ABCC4: variants seen among roughly 807,000 people sequenced by gnomAD.
ABCC4 encodes the protein ATP binding cassette subfamily C member 4 (PEL blood group).
In ABCC4, 102 loss-of-function variants were observed where a neutral mutation model predicts 168.5. That is an observed-to-expected ratio of 0.61 (90% CI 0.52 to 0.71). The LOEUF (loss-of-function observed/expected upper bound fraction) is 0.71, where lower values mean the gene tolerates loss of function less well. Among genes scored for constraint, ABCC4 ranks in the 30% least tolerant of loss-of-function variants. ABCC4 has a pLI of 0.00. For synonymous variants in ABCC4, 617 were observed against 590.7 expected (o/e 1.04, Z -0.65); for missense variants, 1,402 against 1,605.8 (o/e 0.87, Z 2.17).
intron 20 of ABCC4, among the ~76,000 whole-genome samples, chr13:95,106,596 T>C (rs1283862213): frequency 6.6e-6 from 1 of 151,996 alleles, no homozygotes; most frequent in Non-Finnish European, 1.5e-5. Context: ...GGTCACCTTC[T>C]TGTGAGACCC....
chr13:95,121,839 T>A (rs1226540175), intron 19 of ABCC4, among the ~76,000 whole-genome samples: 1 of 152,110 alleles, frequency 6.6e-6, no homozygotes, highest in Non-Finnish European at 1.5e-5. Flanking sequence ...CCTTCCCCTC[T>A]CAAACATAGG....
intron 25 of ABCC4, among the ~76,000 whole-genome samples, chr13:95,069,526 T>C (rs1266167180): frequency 6.6e-6 from 1 of 152,200 alleles, no homozygotes; most frequent in East Asian, 1.9e-4. Context: ...AATACATTCA[T>C]GTTGTTGGGC....
At chr13:95,133,230 C>T (rs2036034902) in intron 19 of ABCC4, among the ~76,000 whole-genome samples, 1 of 151,012 alleles carries the variant, frequency 6.6e-6, no homozygotes, top group Non-Finnish European at 1.5e-5. Flanking sequence ...TCTCCCACCT[C>T]GGCCTCCCGA....
intron 26 of ABCC4, among the ~76,000 whole-genome samples, chr13:95,057,518 G>A (rs568126207): frequency 1.3e-5 from 2 of 152,292 alleles, no homozygotes; most frequent in South Asian, 2.1e-4. Flanking sequence ...GATTACAGGC[G>A]TGAGCCACCG....
intron 5 of ABCC4, 76 bp from the exon 6 acceptor site, chr13:95,209,673 C>T: frequency 2.9e-6 from 4 of 1,375,444 alleles, no homozygotes; most frequent in African/African-American, 1.5e-5. Context: ...AGAAACGATC[C>T]ACTGGAAAAG....
At chr13:95,157,170 ATG>A (rs1239769317) in intron 19 of ABCC4, among the ~76,000 whole-genome samples, 1 of 150,952 alleles carries the variant, frequency 6.6e-6, no homozygotes, top group Admixed American at 6.6e-5. Context: ...CCTTGGATGA[ATG>A]TGTGTCCATT....
chr13:95,227,175 C>A (rs1461501255), intron 4 of ABCC4, among the ~76,000 whole-genome samples: 1 of 152,178 alleles, frequency 6.6e-6, no homozygotes, highest in Non-Finnish European at 1.5e-5. Context: ...ACTCCTAAAT[C>A]TCCAGCAGCA....
At chr13:95,038,872 A>T (rs1593987232) in intron 29 of ABCC4, among the ~76,000 whole-genome samples, 1 of 152,270 alleles carries the variant, frequency 6.6e-6, no homozygotes, top group Non-Finnish European at 1.5e-5. Context: ...ATATGGAAGG[A>T]GGTATAGGGA....
intron 25 of ABCC4, among the ~76,000 whole-genome samples, chr13:95,068,023 T>C (rs2033605386): frequency 6.6e-6 from 1 of 152,216 alleles, no homozygotes; most frequent in Non-Finnish European, 1.5e-5. Flanking sequence ...ATTAGAAACC[T>C]ACTTAGCGCC....
At chr13:95,214,251 G>GA (rs1330742230) in intron 4 of ABCC4, among the ~76,000 whole-genome samples, 1 of 151,622 alleles carries the variant, frequency 6.6e-6, no homozygotes, top group South Asian at 2.1e-4. Context: ...AGAACAAACA[G>GA]AAAAAAAGAG....
intron 30 of ABCC4, among the ~76,000 whole-genome samples, chr13:95,023,927 C>T (rs1355026460): frequency 6.6e-6 from 1 of 152,102 alleles, no homozygotes; most frequent in Non-Finnish European, 1.5e-5. Context: ...CTTACTCAGG[C>T]TGGGCGTGGT....
At chr13:95,079,562 C>T (rs544310745) in intron 21 of ABCC4, among the ~76,000 whole-genome samples, 16 of 152,202 alleles carry the variant, frequency 1.1e-4, no homozygotes, top group South Asian at 4.2e-4. Context: ...AAGCTGGGTG[C>T]GATGGCTCAC....
intron 17 of ABCC4, 93 bp downstream of exon 17, chr13:95,163,517 A>G (rs2037165869): frequency 8.6e-7 from 1 of 1,166,522 alleles, no homozygotes. Flanking sequence ...TTAGAAGAGA[A>G]GGATCAACAA....
chr13:95,253,560 C>T (rs1336843947), intron 1 of ABCC4, among the ~76,000 whole-genome samples: 2 of 151,862 alleles, frequency 1.3e-5, no homozygotes, highest in African/African-American at 4.8e-5. Context: ...GCCTGGCCAG[C>T]ATGATGAAAC....
At chr13:95,094,861 A>G (rs186382105) in intron 20 of ABCC4, among the ~76,000 whole-genome samples, 1 of 152,050 alleles carries the variant, frequency 6.6e-6, no homozygotes. Context: ...GACTTAGGAC[A>G]TGAAGAGAAA....
chr13:95,212,058 TC>T (rs1430639521), intron 4 of ABCC4, among the ~76,000 whole-genome samples: 1 of 150,792 alleles, frequency 6.6e-6, no homozygotes, highest in Non-Finnish European at 1.5e-5. Flanking sequence ...GCACCTGTAA[TC>T]CCAGCTACTC....
chr13:95,080,198 C>A (rs945065145), intron 21 of ABCC4, among the ~76,000 whole-genome samples: 2 of 152,162 alleles, frequency 1.3e-5, no homozygotes, highest in Non-Finnish European at 2.9e-5. Flanking sequence ...GCAGACATTG[C>A]TAGTGGATCA....
At chr13:95,266,855 G>A (rs1392522754) in intron 1 of ABCC4, among the ~76,000 whole-genome samples, 1 of 138,002 alleles carries the variant, frequency 7.2e-6, no homozygotes, top group Non-Finnish European at 1.5e-5. Context: ...ATGGAGTTTC[G>A]CTCTGTCTCC....
intron 4 of ABCC4, among the ~76,000 whole-genome samples, chr13:95,232,447 G>A (rs754286369): frequency 1.3e-5 from 2 of 152,138 alleles, no homozygotes; most frequent in African/African-American, 2.4e-5. Flanking sequence ...GGGAGGCCGA[G>A]ACGGGCAGAT....
Sources: gnomAD v4.1 joint callset for allele counts (sites outside exome capture counted in the v4.1 genomes callset) on GRCh38, gnomAD v4.1.1 for gene constraint, MANE v1.5 for transcripts, NCBI Gene and HGNC (gene_info 2026-07-23, HGNC 2026-07-21) for gene names.